Variants in TGFBR1 observed in about 807,000 individuals in gnomAD.
The protein encoded by TGFBR1 is transforming growth factor beta receptor 1, also known as TGF-beta receptor type-1.
Under a neutral mutation model 55.1 loss-of-function variants are expected in TGFBR1, and 20 were observed. That is an observed-to-expected ratio of 0.36 (90% confidence interval 0.26 to 0.53). The LOEUF (loss-of-function observed/expected upper bound fraction) is 0.53, where lower values mean the gene tolerates loss of function less well. Ranked by LOEUF, TGFBR1 falls within the 20% of genes least tolerant of loss-of-function variation. TGFBR1 has a pLI of 0.91. For synonymous variants in TGFBR1, 220 were observed against 214.8 expected (o/e 1.02, Z -0.21); for missense variants, 385 against 617.6 (o/e 0.62, Z 3.99).
intron 1 of TGFBR1, among the ~76,000 whole-genome samples, chr9:99,124,267 C>T (rs1030694894): frequency 1.9e-4 from 29 of 152,214 alleles, no homozygotes; most frequent in African/African-American, 5.8e-4. Context: ...CTTTCCCTTC[C>T]ACCCTAGTGA....
intron 2 of TGFBR1, among the ~76,000 whole-genome samples, chr9:99,130,630 CAT>C (rs1235167557): frequency 6.6e-6 from 1 of 152,012 alleles, no homozygotes; most frequent in African/African-American, 2.4e-5. Context: ...TTCTAATGAA[CAT>C]ATATAAACTT....
At chr9:99,140,298 CA>C (rs1483086375) in intron 4 of TGFBR1, among the ~76,000 whole-genome samples, 1 of 151,924 alleles carries the variant, frequency 6.6e-6, no homozygotes, top group African/African-American at 2.4e-5. Context: ...ACTAAAAATA[CA>C]AAAAAATTAG....
At chr9:99,118,809 G>C (rs756994925) in intron 1 of TGFBR1, among the ~76,000 whole-genome samples, 1 of 151,780 alleles carries the variant, frequency 6.6e-6, no homozygotes, top group Non-Finnish European at 1.5e-5. Context: ...ACCACACCTG[G>C]CTCAAACTTT....
chr9:99,123,937 T>A (rs577269649), intron 1 of TGFBR1, among the ~76,000 whole-genome samples: 2 of 152,322 alleles, frequency 1.3e-5, no homozygotes, highest in Admixed American at 1.3e-4. Context: ...TTTGATTAGC[T>A]CAGATGATGA....
intron 3 of TGFBR1, among the ~76,000 whole-genome samples, chr9:99,135,381 T>G (rs1028776832): frequency 6.6e-5 from 10 of 152,338 alleles, no homozygotes; most frequent in Admixed American, 2.0e-4. Context: ...AACTGTGTGT[T>G]TGTAATACTC....
chr9:99,142,478 G>C, intron 4 of TGFBR1, 58 bp from the exon 5 acceptor site: 1 of 1,594,626 alleles, frequency 6.3e-7, no homozygotes, highest in Non-Finnish European at 8.6e-7. Flanking sequence ...AATAACCATT[G>C]AACAAATAAA....
intron 1 of TGFBR1, among the ~76,000 whole-genome samples, chr9:99,120,579 C>G (rs1385794871): frequency 6.6e-6 from 1 of 152,166 alleles, no homozygotes; most frequent in Admixed American, 6.5e-5. Flanking sequence ...AAACATGCTT[C>G]TAAAATACCA....
chr9:99,140,626 C>G (rs562965845), intron 4 of TGFBR1, among the ~76,000 whole-genome samples: 3 of 152,082 alleles, frequency 2.0e-5, no homozygotes, highest in African/African-American at 4.8e-5. Flanking sequence ...TTTCCTTGTT[C>G]CTTCTTACTT....
intron 1 of TGFBR1, among the ~76,000 whole-genome samples, chr9:99,106,434 A>T (rs542659494): frequency 2.0e-5 from 3 of 152,322 alleles, no homozygotes; most frequent in South Asian, 4.1e-4. Context: ...AGATGTTGAA[A>T]TTTTTTTAAA....
At chr9:99,111,727 CAGCTTCAGTTTACAGAGGAAAG>C (rs1826588106) in intron 1 of TGFBR1, among the ~76,000 whole-genome samples, 1 of 152,168 alleles carries the variant, frequency 6.6e-6, no homozygotes, top group African/African-American at 2.4e-5. Context: ...AATTGACAAA[CAGCTTCAGTTTACAGAGGAAAG>C]AGCTTCAGTT....
intron 3 of TGFBR1, among the ~76,000 whole-genome samples, chr9:99,134,810 A>T (rs1257750080): frequency 4.5e-5 from 1 of 22,326 alleles, no homozygotes; most frequent in African/African-American, 1.8e-4. Context: ...CATTATATAT[A>T]TATATATATA....
chr9:99,134,901 C>T (rs1477375526), intron 3 of TGFBR1, among the ~76,000 whole-genome samples: 1 of 142,996 alleles, frequency 7.0e-6, no homozygotes, highest in African/African-American at 2.6e-5. Context: ...GAAAGCTTCT[C>T]TCCCTCCTTT....
At chr9:99,113,697 A>G (rs1283158181) in intron 1 of TGFBR1, among the ~76,000 whole-genome samples, 1 of 152,208 alleles carries the variant, frequency 6.6e-6, no homozygotes, top group East Asian at 1.9e-4. Flanking sequence ...AAGGGGAATT[A>G]TTATATATTT....
At position 99,154,124 on chromosome 9, in the gene TGFBR1, C is replaced by T. The variant is rs376933076; in HGVS notation, c.*4819C>T. On this transcript the variant is annotated 3_prime_UTR_variant, in exon 9 of 9. Transcript: ENST00000374994. ...TTTTTTTTTTTCCTTATAACAAAGACATCACCAGGATATGAAGCTTTTGTT... is the reference window on the plus strand; with the variant it reads ...TTTTTTTTTTTCCTTATAACAAAGATATCACCAGGATATGAAGCTTTTGTT... 16 of 227,220 alleles carry T rather than the reference C, an allele frequency of 7.0e-5. No homozygotes were observed. The East Asian group carries it at 7.5e-4, about 11-fold the overall frequency. 14.1% of individuals were successfully genotyped at this position (227,220 alleles called of 1,614,324 possible).
intron 7 of TGFBR1, 136 bp downstream of exon 7, chr9:99,146,745 A>G (rs1452771225): frequency 7.4e-7 from 1 of 1,350,950 alleles, no homozygotes; most frequent in African/African-American, 1.4e-5. Context: ...AGAGAAAACA[A>G]AGGCGATGAA....
At chr9:99,105,023 G>C, upstream of TGFBR1, 1 of 396,022 alleles carries the variant, frequency 2.5e-6, no homozygotes, top group Non-Finnish European at 3.6e-6. Context: ...GGCAGCTCGC[G>C]GCGGCGGGGA....
chr9:99,154,151 A>T lies in TGFBR1; in HGVS notation c.*4846A>T, dbSNP rs1467669147. On this transcript the variant is annotated 3_prime_UTR_variant, in exon 9 of 9. Transcript: ENST00000374994. ...TCACCAGGATATGAAGCTTTTGTTG[A>T]AAGTTGGAAAAAAAGTGAAATTAAA... 4.4e-6 allele frequency: 1 copy of T among 225,146 alleles called. No homozygotes were observed. The highest frequency in any genetic ancestry group is 2.2e-5 in the African/African-American group (1 of 44,832). The allele number at this position is 225,146 out of a possible 1,614,324, so 13.9% of individuals were successfully genotyped here. A position where few individuals can be genotyped will look rare whatever the true frequency, so the allele number is the denominator to read the frequency against.
rs397954803 is a variant in TGFBR1 at position 99,135,852 on chromosome 9, C to CTT, written c.575-1989_575-1988dup. Among the ~76,000 whole-genome samples the CTT allele has an allele frequency of 4.9e-3, 621 of 125,908 alleles. 15 individuals are homozygous for CTT. The highest frequency in any genetic ancestry group is 0.013 in the African/African-American group (453 of 33,562). The allele number at this position is 125,908 out of a possible 152,430, so 82.6% of individuals were successfully genotyped here. ...TTTTGTCTTTAGAAGAAAATTGTTA[C>CTT]TTTTTTTTTTTTTTTTTTTGGAGAC... On this transcript the variant is annotated intron_variant, in intron 3 of 8. Transcript: ENST00000374994.
intron 1 of TGFBR1, among the ~76,000 whole-genome samples, chr9:99,117,028 C>G (rs1035003559): frequency 1.6e-4 from 25 of 152,166 alleles, no homozygotes; most frequent in Non-Finnish European, 2.1e-4. Context: ...CAGCTGTGTT[C>G]TTCTAGGAGA....
Sources: allele counts gnomAD v4.1 joint callset (sites outside exome capture counted in the v4.1 genomes callset), GRCh38; gene constraint gnomAD v4.1.1; transcripts MANE v1.5; gene names NCBI Gene and HGNC (gene_info 2026-07-23, HGNC 2026-07-21).